TRPV3: variants seen among roughly 807,000 people sequenced by gnomAD.
TRPV3 encodes the protein VRL-3.
TRPV3 carries 88 observed loss-of-function variants against 87.1 expected under a neutral mutation model. That is an observed-to-expected ratio of 1.01 (90% CI 0.85 to 1.21). TRPV3 has a LOEUF of 1.21. Ranked by LOEUF, TRPV3 falls within the 50% of genes most tolerant of loss-of-function variation. The pLI, the probability that TRPV3 is intolerant of heterozygous loss-of-function variation, is 0.00. For missense variants in TRPV3, 1,054 were observed against 1,030.1 expected, an observed-to-expected ratio of 1.02 and a Z score of -0.32; for synonymous variants, 438 against 423.3, an observed-to-expected ratio of 1.03 and a Z score of -0.43.
At chr17:3,550,644 C>A (rs2074565583) in intron 2 of TRPV3, among the ~76,000 whole-genome samples, 1 of 151,296 alleles carries the variant, frequency 6.6e-6, no homozygotes, top group Admixed American at 6.6e-5. Flanking sequence ...CCTGCCTCAG[C>A]CTCCCCAGTA....
At chr17:3,541,252 C>T (rs970017950) in intron 6 of TRPV3, among the ~76,000 whole-genome samples, 4 of 152,108 alleles carry the variant, frequency 2.6e-5, no homozygotes, top group African/African-American at 7.2e-5. Flanking sequence ...CCTGTAATCC[C>T]AGTTACTTGG....
At chr17:3,520,506 G>A (rs1351507126) in intron 14 of TRPV3, among the ~76,000 whole-genome samples, 1 of 152,214 alleles carries the variant, frequency 6.6e-6, no homozygotes, top group African/African-American at 2.4e-5. Flanking sequence ...TAGGTCGTGA[G>A]GGCCACGTAA....
At chr17:3,554,667 G>GA in intron 2 of TRPV3, 65 bp downstream of exon 2, 2 of 1,197,134 alleles carry the variant, frequency 1.7e-6, no homozygotes, top group East Asian at 2.4e-5. Flanking sequence ...CCCTGGGGGG[G>GA]TGCCAGGCCC....
chr17:3,514,829 G>A (rs1160061090), intron 16 of TRPV3, among the ~76,000 whole-genome samples, 157 bp from the exon 17 acceptor site: 1 of 21,932 alleles, frequency 4.6e-5, no homozygotes, highest in Non-Finnish European at 9.4e-5. Context: ...CACCAAAGTT[G>A]TTGGAGTTTG....
At chr17:3,537,923 G>A (rs1287230082) in intron 6 of TRPV3, among the ~76,000 whole-genome samples, 1 of 145,446 alleles carries the variant, frequency 6.9e-6, no homozygotes, top group Admixed American at 7.0e-5. Flanking sequence ...GGCATGCCAG[G>A]CACGGTGGCT....
chr17:3,550,738 A>T (rs1441707412), intron 2 of TRPV3, among the ~76,000 whole-genome samples: 1 of 151,792 alleles, frequency 6.6e-6, no homozygotes, highest in East Asian at 2.0e-4. Context: ...GTTAGCCAGG[A>T]TGGTCTTGAT....
chr17:3,524,167 G>A, intron 13 of TRPV3, 31 bp downstream of exon 13: 1 of 1,607,528 alleles, frequency 6.2e-7, no homozygotes, highest in East Asian at 2.2e-5. Flanking sequence ...ATCCTCCGAG[G>A]GCCCTCCCGC....
intron 7 of TRPV3, among the ~76,000 whole-genome samples, chr17:3,533,501 C>CTT (rs11378089): frequency 0.051 from 7,126 of 139,182 alleles, 500 homozygotes; most frequent in African/African-American, 0.15. Context: ...CTCTGCTTTA[C>CTT]TTTTTTTTTT....
intron 2 of TRPV3, 185 bp downstream of exon 2, chr17:3,554,547 C>G: frequency 1.8e-6 from 1 of 543,874 alleles, no homozygotes; most frequent in East Asian, 3.1e-5. Flanking sequence ...CCAGCTCAGC[C>G]CCCTGAGTGT....
chr17:3,524,377 A>G lies in TRPV3; in HGVS notation c.1578-14T>C. 1 of 1,613,744 alleles carries G rather than the reference A, an allele frequency of 6.2e-7. No homozygotes were observed. The highest frequency in any genetic ancestry group is 8.5e-7 in the Non-Finnish European group (1 of 1,179,724). ...GCTTGGATAAAACTGTTCAGGAGACACAGGAGACACGGGCCTTACTTACTT... is the reference window on the plus strand; with the variant it reads ...GCTTGGATAAAACTGTTCAGGAGACGCAGGAGACACGGGCCTTACTTACTT... On this transcript the variant is annotated splice_polypyrimidine_tract_variant and intron_variant, in intron 12 of 17. Transcript: ENST00000576742.
chr17:3,554,843 GC>G lies in TRPV3; in HGVS notation c.7del (p.Ala3ProfsTer45). 1 of 1,609,074 alleles carries G rather than the reference GC, an allele frequency of 6.2e-7. No individual in the cohort carries two copies. The highest frequency in any genetic ancestry group is 8.5e-7 in the Non-Finnish European group (1 of 1,177,906). On this transcript the variant is annotated frameshift_variant, in exon 2 of 18. Transcript: ENST00000576742. LOFTEE classifies it high-confidence loss of function. MK[A>X]HPKEMVPLMG... ...GAGAGGCACCATCTCCTTGGGGTGG[GC>G]TTTCATGGCTGGAATACAACCACAG...
At position 3,516,128 on chromosome 17, in the gene TRPV3, A is replaced by G. The variant is rs575205093; in HGVS notation, c.2198+329T>C. Among the ~76,000 whole-genome samples the G allele has an allele frequency of 3.9e-3, 587 of 152,174 alleles. 2 individuals are homozygous for G. Among genetic ancestry groups the G allele is most frequent in the African/African-American group, 0.013 (545 of 41,512 alleles). Reference sequence around the variant, plus strand: ...TTGAACCCGGGAGGCGGAGGTTGCAATGAGCCAAGATTGCGCCATTGCACT... The same window carrying G: ...TTGAACCCGGGAGGCGGAGGTTGCAGTGAGCCAAGATTGCGCCATTGCACT... On this transcript the variant is annotated intron_variant, in intron 16 of 17. Coordinates refer to ENST00000576742, the MANE Select transcript of TRPV3 (RefSeq NM_145068.4).
At chr17:3,549,127 A>C (rs1431819077) in intron 2 of TRPV3, among the ~76,000 whole-genome samples, 1 of 152,188 alleles carries the variant, frequency 6.6e-6, no homozygotes, top group Non-Finnish European at 1.5e-5. Context: ...TTGCCAAATT[A>C]TCTCCAGACA....
chr17:3,533,333 G>A (rs777541103), intron 7 of TRPV3, among the ~76,000 whole-genome samples: 14 of 152,058 alleles, frequency 9.2e-5, no homozygotes, highest in Non-Finnish European at 1.5e-4. Context: ...GCCTTCGCTC[G>A]GCTGTCCCCT....
At chr17:3,546,675 T>C (rs978788193) in intron 2 of TRPV3, 2 of 455,636 alleles carry the variant, frequency 4.4e-6, no homozygotes, top group African/African-American at 4.0e-5. Flanking sequence ...GGTAGCAAAG[T>C]CCAGATTCAA....
intron 8 of TRPV3, among the ~76,000 whole-genome samples, chr17:3,531,511 A>T (rs1597478287): frequency 6.6e-6 from 1 of 152,252 alleles, no homozygotes; most frequent in South Asian, 2.1e-4. Flanking sequence ...CAGAGGAGGG[A>T]AGCGGGAGAC....
intron 6 of TRPV3, among the ~76,000 whole-genome samples, chr17:3,537,791 A>T (rs1032401886): frequency 6.6e-6 from 1 of 151,062 alleles, no homozygotes; most frequent in African/African-American, 2.4e-5. Flanking sequence ...CTGTAGTCCC[A>T]GCTACTCAGG....
intron 14 of TRPV3, among the ~76,000 whole-genome samples, chr17:3,519,704 AGATGGATGGATGGATGGATG>A (rs145819534): frequency 5.7e-4 from 49 of 86,140 alleles, no homozygotes; most frequent in Non-Finnish European, 8.3e-4. Context: ...ATGGATGGAT[AGATGGATGGATGGATGGATG>A]GATGGATGGA....
Position 3,529,094 on chromosome 17 carries a change from G to T in TRPV3, c.1243-99C>A, listed in dbSNP as rs1316262315. On this transcript the variant is annotated intron_variant, in intron 9 of 17. Coordinates refer to ENST00000576742, the MANE Select transcript of TRPV3 (RefSeq NM_145068.4). ...GAGCTCTGAGTCAGTGCTGCAGAAGGGGCCCATCATTATGCCCGATGGACT... is the reference window on the plus strand; with the variant it reads ...GAGCTCTGAGTCAGTGCTGCAGAAGTGGCCCATCATTATGCCCGATGGACT... The T allele has an allele frequency of 2.9e-6, 4 of 1,371,124 alleles. No homozygotes were observed. The African/African-American group carries it at 5.7e-5, about 20-fold the overall frequency. 84.9% of individuals were successfully genotyped at this position (1,371,124 alleles called of 1,614,324 possible).
Sources: gnomAD v4.1 joint callset for allele counts (sites outside exome capture counted in the v4.1 genomes callset) on GRCh38, gnomAD v4.1.1 for gene constraint, MANE v1.5 for transcripts, NCBI Gene and HGNC (gene_info 2026-07-23, HGNC 2026-07-21) for gene names.